The following CNTN5 variants were observed in gnomAD, a reference collection of about 807,000 sequenced individuals.
CNTN5 encodes the protein contactin-5.
In CNTN5, 77 loss-of-function variants were observed where a neutral mutation model predicts 129.1. The observed-to-expected ratio is 0.60, with a 90% CI of 0.50 to 0.72. The LOEUF (loss-of-function observed/expected upper bound fraction) is 0.72, where lower values mean the gene tolerates loss of function less well. Ranked by LOEUF, CNTN5 falls within the 30% of genes least tolerant of loss-of-function variation. The probability of loss-of-function intolerance (pLI) is 0.00; values close to 1 mark genes in which losing one functional copy is unlikely to be tolerated. For synonymous variants in CNTN5, 509 were observed against 465.6 expected, an observed-to-expected ratio of 1.09 and a Z score of -1.20; for missense variants, 1,478 against 1,328.8, an observed-to-expected ratio of 1.11 and a Z score of -1.75.
At position 99,028,431 on chromosome 11, in the gene CNTN5, T is replaced by C. The variant is rs78454223; in HGVS notation, c.-210+7161T>C. 6.4e-3 allele frequency among the ~76,000 whole-genome samples: 967 copies of C among 151,900 alleles called. 8 individuals are homozygous for C. Among genetic ancestry groups the C allele is most frequent in the African/African-American group, 0.022 (921 of 41,526 alleles). ...AATGTGAAATGTGCAGTCATAGAGGTATATGTGACTAAGATACAGATTTTC... is the reference window on the plus strand; with the variant it reads ...AATGTGAAATGTGCAGTCATAGAGGCATATGTGACTAAGATACAGATTTTC... On this transcript the variant is annotated intron_variant, in intron 1 of 24. Transcript: ENST00000524871.
At chr11:99,496,978 T>A (rs2656196) in intron 2 of CNTN5, among the ~76,000 whole-genome samples, 1 of 152,244 alleles carries the variant, frequency 6.6e-6, no homozygotes, top group Non-Finnish European at 1.5e-5. Flanking sequence ...ACACTTCCAG[T>A]GCTTCCTAGT....
chr11:99,336,477 A>G (rs1396038792), intron 2 of CNTN5, among the ~76,000 whole-genome samples: 1 of 152,196 alleles, frequency 6.6e-6, no homozygotes, highest in Middle Eastern at 3.2e-3. Flanking sequence ...TAGAAATATT[A>G]TTGTGAAATA....
At chr11:100,351,985 G>A (rs1952426727) in intron 24 of CNTN5, among the ~76,000 whole-genome samples, 1 of 151,562 alleles carries the variant, frequency 6.6e-6, no homozygotes, top group African/African-American at 2.4e-5. Flanking sequence ...GAACTTTGAG[G>A]AAAAGCTACT....
chr11:99,047,191 A>G (rs1167999937), intron 1 of CNTN5, among the ~76,000 whole-genome samples: 2 of 151,968 alleles, frequency 1.3e-5, no homozygotes, highest in Non-Finnish European at 2.9e-5. Flanking sequence ...GTTTTTCAGT[A>G]TATTTGAAAC....
intron 23 of CNTN5, among the ~76,000 whole-genome samples, chr11:100,348,898 CTA>C (rs932649380): frequency 6.6e-6 from 1 of 151,974 alleles, no homozygotes; most frequent in African/African-American, 2.4e-5. Context: ...CAATATTAGA[CTA>C]TAAATGCCAG....
chr11:100,326,799 AAGG>A (rs1287030471), intron 21 of CNTN5, among the ~76,000 whole-genome samples: 5 of 152,332 alleles, frequency 3.3e-5, no homozygotes, highest in Non-Finnish European at 7.4e-5. Context: ...AGAAGTGGCC[AAGG>A]AGGCTTCTTG....
At chr11:100,204,100 G>GT (rs924904137) in intron 15 of CNTN5, among the ~76,000 whole-genome samples, 27 of 149,892 alleles carry the variant, frequency 1.8e-4, no homozygotes, top group African/African-American at 5.6e-4. Context: ...CATTTGCTCA[G>GT]TTTTTTTTCC....
chr11:100,028,281 C>A (rs1444089495), intron 9 of CNTN5, among the ~76,000 whole-genome samples: 1 of 152,158 alleles, frequency 6.6e-6, no homozygotes, highest in Middle Eastern at 3.4e-3. Flanking sequence ...TGCCAAGTGA[C>A]AAGAGAAAAA....
chr11:100,299,418 A>G (rs1951171503), intron 20 of CNTN5, 22 bp downstream of exon 20: 1 of 1,418,526 alleles, frequency 7.0e-7, no homozygotes, highest in African/African-American at 1.4e-5. Flanking sequence ...TATTCCTATT[A>G]TTTTTATTTA....
At chr11:99,343,512 G>A (rs1472531521) in intron 2 of CNTN5, among the ~76,000 whole-genome samples, 1 of 152,156 alleles carries the variant, frequency 6.6e-6, no homozygotes, top group South Asian at 2.1e-4. Context: ...GTGAATTAAA[G>A]TATATTTTAA....
intron 1 of CNTN5, among the ~76,000 whole-genome samples, chr11:99,176,726 T>G (rs1282416735): frequency 6.6e-6 from 1 of 152,212 alleles, no homozygotes; most frequent in Non-Finnish European, 1.5e-5. Context: ...AACCCTTGGT[T>G]AGATGCCATC....
At chr11:99,145,776 T>C (rs72645405) in intron 1 of CNTN5, among the ~76,000 whole-genome samples, 16,911 of 152,150 alleles carry the variant, frequency 0.11, 1,159 homozygotes, top group East Asian at 0.34. Context: ...TTCTTCCTCC[T>C]CAACTGATTA....
intron 13 of CNTN5, among the ~76,000 whole-genome samples, chr11:100,089,566 C>T (rs1944676143): frequency 1.3e-5 from 2 of 152,030 alleles, no homozygotes; most frequent in South Asian, 4.1e-4. Context: ...GGTGAATACC[C>T]AAAGGAATAC....
intron 6 of CNTN5, among the ~76,000 whole-genome samples, chr11:99,915,705 T>G (rs1949770723): frequency 6.6e-6 from 1 of 152,166 alleles, no homozygotes; most frequent in Admixed American, 6.6e-5. Flanking sequence ...CTCTTTTCAC[T>G]ATGAGAGAAT....
At chr11:99,332,078 G>T (rs1397163597) in intron 2 of CNTN5, among the ~76,000 whole-genome samples, 5 of 152,002 alleles carry the variant, frequency 3.3e-5, no homozygotes, top group Non-Finnish European at 5.9e-5. Context: ...TAAAGTTTTG[G>T]GGTGATTTGT....
At chr11:100,027,662 C>T (rs549628933) in intron 9 of CNTN5, among the ~76,000 whole-genome samples, 4 of 152,284 alleles carry the variant, frequency 2.6e-5, no homozygotes, top group African/African-American at 7.2e-5. Context: ...TGTCCTCTCT[C>T]GTTTACTGTG....
At chr11:99,943,124 A>C (rs1277822396) in intron 7 of CNTN5, among the ~76,000 whole-genome samples, 1 of 152,142 alleles carries the variant, frequency 6.6e-6, no homozygotes, top group African/African-American at 2.4e-5. Flanking sequence ...GTCTTCCACA[A>C]TGGTTGAACT....
chr11:99,742,482 A>G (rs947292536), intron 3 of CNTN5, among the ~76,000 whole-genome samples: 3 of 152,166 alleles, frequency 2.0e-5, no homozygotes, highest in Admixed American at 2.0e-4. Context: ...GACAGCTTTA[A>G]GTGGGATTGT....
At chr11:99,624,518 A>G (rs1591377947) in intron 3 of CNTN5, among the ~76,000 whole-genome samples, 2 of 152,090 alleles carry the variant, frequency 1.3e-5, no homozygotes, top group East Asian at 3.9e-4. Context: ...GTGGGTTTTG[A>G]GAGTGAACAT....
Sources: allele counts gnomAD v4.1 joint callset (sites outside exome capture counted in the v4.1 genomes callset), GRCh38; gene constraint gnomAD v4.1.1; transcripts MANE v1.5; gene names NCBI Gene and HGNC (gene_info 2026-07-23, HGNC 2026-07-21).